RASA3: variants seen among roughly 807,000 people sequenced by gnomAD.
The protein encoded by RASA3 is ras GTPase-activating protein 3.
A neutral mutation model predicts 110.0 loss-of-function variants in RASA3; 73 were observed. That is an observed-to-expected ratio of 0.66 (90% CI 0.55 to 0.81). RASA3 has a LOEUF of 0.81. Ranked by LOEUF, RASA3 falls within the 30% of genes least tolerant of loss-of-function variation. The pLI, the probability that RASA3 is intolerant of heterozygous loss-of-function variation, is 0.00. For missense variants in RASA3, 976 were observed against 1,113.2 expected, an observed-to-expected ratio of 0.88 and a Z score of 1.75; for synonymous variants, 500 against 451.4, an observed-to-expected ratio of 1.11 and a Z score of -1.37.
intron 18 of RASA3, among the ~76,000 whole-genome samples, chr13:114,002,096 C>A (rs2053418254): frequency 6.6e-6 from 1 of 152,186 alleles, no homozygotes; most frequent in Admixed American, 6.5e-5. Flanking sequence ...GGCGGCCGAG[C>A]TGGAGGAGAA....
At chr13:114,075,958 TGGGTGTGGAGGCGCCG>T (rs1382365025) in intron 1 of RASA3, among the ~76,000 whole-genome samples, 60 of 115,256 alleles carry the variant, frequency 5.2e-4, no homozygotes, top group Admixed American at 3.5e-3. Flanking sequence ...CGCGTATCTC[TGGGTGTGGAGGCGCCG>T]GCAGGACGAA....
chr13:114,122,310 C>G lies in RASA3; in HGVS notation c.55+10125G>C, dbSNP rs566426154. On this transcript the variant is annotated intron_variant, in intron 1 of 23. Transcript: ENST00000334062. ...CCCAAAGCCCATGGGAAAACCAGCC[C>G]TGTTGGAGCATCCCACCCGGACCTC... Among the ~76,000 whole-genome samples, 200 of 152,378 alleles carry G rather than the reference C, an allele frequency of 1.3e-3. 3 individuals are homozygous for G. The highest frequency in any genetic ancestry group is 1.8e-4 in the Non-Finnish European group (12 of 68,038).
intron 1 of RASA3, among the ~76,000 whole-genome samples, chr13:114,082,840 G>A (rs1267925517): frequency 6.6e-6 from 1 of 152,190 alleles, no homozygotes; most frequent in African/African-American, 2.4e-5. Flanking sequence ...GTCATACATT[G>A]CACTAGTGTA....
At chr13:114,003,558 G>C (rs1458747878) in intron 18 of RASA3, among the ~76,000 whole-genome samples, 1 of 152,150 alleles carries the variant, frequency 6.6e-6, no homozygotes, top group Admixed American at 6.5e-5. Flanking sequence ...TTCTTTTAAA[G>C]ACTAACTTCC....
intron 1 of RASA3, among the ~76,000 whole-genome samples, chr13:114,100,185 G>A (rs908584297): frequency 6.6e-6 from 1 of 151,594 alleles, no homozygotes; most frequent in African/African-American, 2.4e-5. Flanking sequence ...GCTCGCAGGA[G>A]ACGCAGCTCT....
chr13:114,099,446 C>G (rs978420484), intron 1 of RASA3, among the ~76,000 whole-genome samples: 7 of 151,850 alleles, frequency 4.6e-5, no homozygotes, highest in Non-Finnish European at 8.8e-5. Flanking sequence ...CCTTTCCAGG[C>G]ACATTTGGAT....
At chr13:114,052,625 C>T (rs376575045) in intron 2 of RASA3, among the ~76,000 whole-genome samples, 278 of 152,162 alleles carry the variant, frequency 1.8e-3, no homozygotes, top group Middle Eastern at 6.8e-3. Flanking sequence ...CAGCCGCCCT[C>T]ACTCCTCGGG....
chr13:114,106,504 G>A (rs1264698153), intron 1 of RASA3, among the ~76,000 whole-genome samples: 1 of 152,084 alleles, frequency 6.6e-6, no homozygotes, highest in African/African-American at 2.4e-5. Context: ...AACAATAATG[G>A]CAATTTTTCC....
intron 1 of RASA3, among the ~76,000 whole-genome samples, chr13:114,097,016 C>T (rs1702306902): frequency 6.6e-6 from 1 of 152,210 alleles, no homozygotes; most frequent in Admixed American, 6.5e-5. Context: ...AGATCACCCC[C>T]AAAGCCACCA....
Position 114,000,900 on chromosome 13 carries a change from C to G in RASA3, c.1775G>C (p.Arg592Pro). Residue 592 changes from arginine to proline, a missense_variant, in exon 19 of 24, where the codon CGC becomes CCC. Transcript: ENST00000334062. Reference protein sequence around the residue: ...FMIKRAQGRKRFGMKNFKKRW... With the variant: ...FMIKRAQGRKPFGMKNFKKRW... ...CTTCTTAAAATTCTTCATCCCAAAG[C>G]GCTTCCGTCCTTGGGCCCTCTTGAT... The G allele has an allele frequency of 2.5e-6, 4 of 1,613,804 alleles. No individual in the cohort carries two copies. The highest frequency in any genetic ancestry group is 3.4e-6 in the Non-Finnish European group (4 of 1,179,824).
At chr13:114,003,437 T>C (rs990598964) in intron 18 of RASA3, among the ~76,000 whole-genome samples, 11 of 152,236 alleles carry the variant, frequency 7.2e-5, no homozygotes, top group African/African-American at 2.7e-4. Context: ...ACAGGATGAA[T>C]ATCTGTTGCT....
In RASA3 at chr13:114,017,348, G is replaced by A; in HGVS notation, c.1095C>T (p.Asp365=). 6.2e-7 allele frequency: 1 copy of A among 1,613,332 alleles called. No homozygotes were observed. The highest frequency in any genetic ancestry group is 8.5e-7 in the Non-Finnish European group (1 of 1,179,512). The change falls in exon 12 of 24, where the codon GAC becomes GAT. Residue 365 remains aspartate (D), a synonymous_variant. Transcript: ENST00000334062. ...AGTTTCCTCGGAAGATGGTGTTGGGGTCCCTGGGAAATGGCGATGGGGACA... is the reference window on the plus strand; with the variant it reads ...AGTTTCCTCGGAAGATGGTGTTGGGATCCCTGGGAAATGGCGATGGGGACA... ...IASAEVKRTQ[D]PNTIFRGNSL... is the part of the protein sequence containing the mutation.
chr13:114,037,196 G>C (rs1398594589), intron 4 of RASA3, among the ~76,000 whole-genome samples: 1 of 152,162 alleles, frequency 6.6e-6, no homozygotes, highest in African/African-American at 2.4e-5. Context: ...CAGCTTTGTG[G>C]AGATGCAACG....
chr13:114,010,541 G>A (rs1035243867), intron 16 of RASA3, among the ~76,000 whole-genome samples: 4 of 150,960 alleles, frequency 2.6e-5, no homozygotes. Context: ...CGAGGATGGA[G>A]GACGGAGGTT....
intron 1 of RASA3, among the ~76,000 whole-genome samples, chr13:114,131,619 C>T (rs1194307520): frequency 6.6e-6 from 1 of 152,228 alleles, no homozygotes; most frequent in Non-Finnish European, 1.5e-5. Context: ...CCAGCTCGCC[C>T]GCCACTTCTC....
intron 9 of RASA3, among the ~76,000 whole-genome samples, 167 bp downstream of exon 9, chr13:114,021,236 AC>A (rs1265141517): frequency 6.6e-6 from 1 of 152,268 alleles, no homozygotes; most frequent in East Asian, 1.9e-4. Context: ...TGGGGCAGAA[AC>A]TCATCAAGCC....
intron 1 of RASA3, among the ~76,000 whole-genome samples, chr13:114,113,355 GA>G (rs939413832): frequency 4.6e-5 from 7 of 152,244 alleles, no homozygotes; most frequent in African/African-American, 1.7e-4. Context: ...GGCTGGCAAG[GA>G]ACGGAAGGAG....
chr13:114,095,617 C>T (rs562278028), intron 1 of RASA3, among the ~76,000 whole-genome samples: 25 of 152,244 alleles, frequency 1.6e-4, no homozygotes, highest in African/African-American at 5.8e-4. Context: ...CATGCACACA[C>T]CTTCACATGC....
chr13:114,100,689 G>A (rs574362715), intron 1 of RASA3, among the ~76,000 whole-genome samples: 24 of 152,290 alleles, frequency 1.6e-4, no homozygotes, highest in African/African-American at 3.1e-4. Context: ...GCCTCAACTC[G>A]GAAAATCCCA....
Sources: allele counts gnomAD v4.1 joint callset (sites outside exome capture counted in the v4.1 genomes callset), GRCh38; gene constraint gnomAD v4.1.1; transcripts MANE v1.5; gene names NCBI Gene and HGNC (gene_info 2026-07-23, HGNC 2026-07-21).